DCDC1: variants seen among roughly 807,000 people sequenced by gnomAD.
DCDC1 encodes doublecortin domain-containing protein 1.
In DCDC1, 200 loss-of-function variants were observed where a neutral mutation model predicts 178.3. That is an observed-to-expected ratio of 1.12 (90% CI 1.00 to 1.26). DCDC1 has a LOEUF of 1.26. Among genes scored for constraint, DCDC1 ranks in the 50% most tolerant of loss-of-function variants. The probability of loss-of-function intolerance (pLI) is 0.00; values close to 1 mark genes in which losing one functional copy is unlikely to be tolerated. For synonymous variants in DCDC1, 690 were observed against 604.8 expected (o/e 1.14, Z -2.07); for missense variants, 1,983 against 1,749.2 (o/e 1.13, Z -2.38).
chr11:30,931,631 T>A, intron 22 of DCDC1, 140 bp downstream of exon 22: 4 of 859,034 alleles, frequency 4.7e-6, no homozygotes, highest in Non-Finnish European at 6.8e-6. Context: ...CTAGTCTCTA[T>A]TTTCATCTTC....
chr11:31,192,566 T>A (rs2136360428), intron 9 of DCDC1, among the ~76,000 whole-genome samples: 1 of 152,242 alleles, frequency 6.6e-6, no homozygotes, highest in African/African-American at 2.4e-5. Context: ...AGTTTAAACA[T>A]CATATATTCT....
At chr11:31,234,109 A>G (rs1367434437) in intron 9 of DCDC1, among the ~76,000 whole-genome samples, 1 of 152,182 alleles carries the variant, frequency 6.6e-6, no homozygotes, top group Non-Finnish European at 1.5e-5. Context: ...AGTCACACAT[A>G]TTAAGTGTTG....
chr11:31,172,319 A>G (rs1420679748), intron 9 of DCDC1, among the ~76,000 whole-genome samples: 1 of 152,174 alleles, frequency 6.6e-6, no homozygotes, highest in Non-Finnish European at 1.5e-5. Context: ...TAATATAAGC[A>G]TAGACACTAG....
intron 20 of DCDC1, among the ~76,000 whole-genome samples, chr11:30,990,730 TG>T (rs1211885661): frequency 6.6e-6 from 1 of 152,228 alleles, no homozygotes; most frequent in Non-Finnish European, 1.5e-5. Context: ...ATTCTATGTT[TG>T]TTTTTTTCTG....
chr11:30,874,789 A>T (rs1941965498), intron 38 of DCDC1, among the ~76,000 whole-genome samples: 1 of 152,164 alleles, frequency 6.6e-6, no homozygotes, highest in Admixed American at 6.5e-5. Context: ...TAAAACCCTA[A>T]TATCAGTTTC....
intron 20 of DCDC1, among the ~76,000 whole-genome samples, chr11:30,993,024 T>G (rs1951074700): frequency 6.6e-6 from 1 of 152,100 alleles, no homozygotes; most frequent in African/African-American, 2.4e-5. Context: ...TAGGCTTAAC[T>G]TTCCTAAATT....
chr11:31,189,381 T>A lies in DCDC1; in HGVS notation c.1222-51597A>T, dbSNP rs193278655. Among the ~76,000 whole-genome samples, 12 of 152,006 alleles carry A rather than the reference T, an allele frequency of 7.9e-5. No individual in the cohort carries two copies. The East Asian group carries it at 1.7e-3, about 22-fold the overall frequency. The stretch of plus-strand genomic sequence containing the variant: ...ACTGCTATTGAACTAAACACTCCAA[T>A]GTAAAGTTTAAACTACCATCCATCT... On this transcript the variant is annotated intron_variant, in intron 9 of 38. Transcript: ENST00000684477.
intron 20 of DCDC1, among the ~76,000 whole-genome samples, chr11:31,063,230 A>G (rs1235466767): frequency 1.3e-5 from 2 of 152,000 alleles, no homozygotes; most frequent in African/African-American, 4.8e-5. Context: ...TGGAGAAATA[A>G]GAACACTTTT....
intron 2 of DCDC1, among the ~76,000 whole-genome samples, chr11:31,328,710 C>G (rs1221913349): frequency 6.6e-6 from 1 of 150,534 alleles, no homozygotes; most frequent in African/African-American, 2.4e-5. Flanking sequence ...ACTTGGGAGG[C>G]TGAGGCAGGA....
chr11:30,894,556 T>G (rs771846235), intron 34 of DCDC1, among the ~76,000 whole-genome samples, 172 bp from the exon 35 acceptor site: 14 of 152,200 alleles, frequency 9.2e-5, no homozygotes, highest in Non-Finnish European at 1.8e-4. Flanking sequence ...CAATACCTCT[T>G]TCATATGGGA....
At chr11:30,974,179 G>GA (rs1462712790) in intron 20 of DCDC1, among the ~76,000 whole-genome samples, 3 of 150,304 alleles carry the variant, frequency 2.0e-5, no homozygotes, top group Admixed American at 6.6e-5. Context: ...AAAAGTTATT[G>GA]AAAAAATGCA....
intron 1 of DCDC1, among the ~76,000 whole-genome samples, chr11:31,367,779 T>G (rs1564939456): frequency 6.6e-6 from 1 of 152,216 alleles, no homozygotes; most frequent in Non-Finnish European, 1.5e-5. Flanking sequence ...TACATTATAT[T>G]TCTATTGGAA....
intron 20 of DCDC1, among the ~76,000 whole-genome samples, chr11:31,052,757 G>A (rs1955342037): frequency 6.6e-6 from 1 of 152,094 alleles, no homozygotes; most frequent in South Asian, 2.1e-4. Context: ...ATGAAATCAA[G>A]ATGGAAATTT....
chr11:30,931,919 G>C lies in DCDC1; in HGVS notation c.2749C>G (p.Pro917Ala), dbSNP rs1590408285. ...GGTTTCTTCATGGGAGGACTGCTCGGAACAAGCAGTCCTTGTATTGGCCAA... is the reference window on the plus strand; with the variant it reads ...GGTTTCTTCATGGGAGGACTGCTCGCAACAAGCAGTCCTTGTATTGGCCAA... ...FDWPIQGLLV[P>A]SSPPMKKPIC... is the part of the protein sequence containing the mutation. Residue 917 changes from proline to alanine, a missense_variant, in exon 22 of 39, where the codon CCG (proline) becomes GCG (alanine). Pro to Ala is a conservative substitution (Grantham distance 27). Transcript: ENST00000684477. 6.2e-7 allele frequency: 1 copy of C among 1,612,306 alleles called. No homozygotes were observed. The highest frequency in any genetic ancestry group is 8.5e-7 in the Non-Finnish European group (1 of 1,179,050).
chr11:31,136,779 T>TAAC (rs1464624339), intron 10 of DCDC1, among the ~76,000 whole-genome samples: 1 of 152,142 alleles, frequency 6.6e-6, no homozygotes, highest in Non-Finnish European at 1.5e-5. Context: ...CCCTTTTGTC[T>TAAC]AACACCAATT....
chr11:30,924,157 T>TAATCTA (rs1946445432), intron 23 of DCDC1, among the ~76,000 whole-genome samples: 1 of 152,198 alleles, frequency 6.6e-6, no homozygotes, highest in African/African-American at 2.4e-5. Context: ...TGATTTAATG[T>TAATCTA]AATCTACCTT....
intron 27 of DCDC1, among the ~76,000 whole-genome samples, chr11:30,914,168 C>T (rs1177933293): frequency 6.6e-6 from 1 of 152,258 alleles, no homozygotes; most frequent in Non-Finnish European, 1.5e-5. Context: ...GTCCTACCTA[C>T]ACATTGCAAA....
At chr11:30,932,092 C>G in intron 21 of DCDC1, 140 bp from the exon 22 acceptor site, 1 of 648,504 alleles carries the variant, frequency 1.5e-6, no homozygotes, top group Non-Finnish European at 2.3e-6. Flanking sequence ...TAAGATGCTC[C>G]AGACAATTCT....
chr11:31,010,987 A>G (rs900433898), intron 20 of DCDC1, among the ~76,000 whole-genome samples: 2 of 152,176 alleles, frequency 1.3e-5, no homozygotes, highest in African/African-American at 4.8e-5. Flanking sequence ...CTAAACAAAT[A>G]AGTAGATCAA....
Sources: allele counts gnomAD v4.1 joint callset (sites outside exome capture counted in the v4.1 genomes callset), GRCh38; gene constraint gnomAD v4.1.1; transcripts MANE v1.5; gene names NCBI Gene and HGNC (gene_info 2026-07-23, HGNC 2026-07-21).